RPL24: variants seen among roughly 807,000 people sequenced by gnomAD.
RPL24 encodes large ribosomal subunit protein eL24.
RPL24 carries 7 observed loss-of-function variants against 26.4 expected under a neutral mutation model. The ratio of observed to expected loss-of-function variants is 0.27; its 90% CI spans 0.15 to 0.50. The LOEUF is 0.50. Ranked by LOEUF, RPL24 falls within the 20% of genes least tolerant of loss-of-function variation. The pLI is 0.98. For missense variants in RPL24, 109 were observed against 194.9 expected (o/e 0.56, Z 2.62); for synonymous variants, 67 against 65.2 (o/e 1.03, Z -0.13).
chr3:101,684,758 A>G (rs1937309632), intron 3 of RPL24, among the ~76,000 whole-genome samples: 1 of 118,590 alleles, frequency 8.4e-6, no homozygotes, highest in African/African-American at 3.2e-5. Flanking sequence ...AGCCTGAGCA[A>G]CAGAGGACCT....
chr3:101,684,437 G>A (rs1937304443), intron 3 of RPL24, among the ~76,000 whole-genome samples: 2 of 151,988 alleles, frequency 1.3e-5, no homozygotes, highest in South Asian at 4.1e-4. Flanking sequence ...CAAAGTGCTG[G>A]GATTACAGGC....
chr3:101,686,336 T>C, intron 2 of RPL24, 146 bp downstream of exon 2: 1 of 649,874 alleles, frequency 1.5e-6, no homozygotes. Context: ...TAGAGGTTTC[T>C]GGTCCTAACG....
intron 2 of RPL24, 89 bp from the exon 3 acceptor site, chr3:101,686,017 C>A (rs1472892508): frequency 4.9e-6 from 4 of 823,122 alleles, no homozygotes; most frequent in Middle Eastern, 2.3e-4. Flanking sequence ...GATCAATATG[C>A]TAGTTCTGGC....
intron 3 of RPL24, among the ~76,000 whole-genome samples, chr3:101,684,597 C>T (rs557905410): frequency 7.3e-4 from 111 of 151,886 alleles, no homozygotes; most frequent in Non-Finnish European, 1.3e-3. Context: ...TGGGCAACAT[C>T]GCAAAGATTT....
At position 101,681,127 on chromosome 3, in the gene RPL24, C is replaced by T; in HGVS notation, c.*8G>A. 1 of 1,592,606 alleles carries T rather than the reference C, an allele frequency of 6.3e-7. No individual in the cohort carries two copies. Among genetic ancestry groups the T allele is most frequent in the East Asian group, 2.2e-5 (1 of 44,776 alleles). ...TCCAATCTTTATTTAAAAATCTAAT[C>T]TGCCAGTTTAGCGTTTTCCACCAAC... On this transcript the variant is annotated 3_prime_UTR_variant, in exon 6 of 6. Coordinates refer to ENST00000394077, the MANE Select transcript of RPL24 (RefSeq NM_000986.4).
In RPL24 at chr3:101,686,211, G is replaced by C; in HGVS notation, c.81+271C>G. On this transcript the variant is annotated intron_variant, in intron 2 of 5. Coordinates refer to ENST00000394077, the MANE Select transcript of RPL24 (RefSeq NM_000986.4). ...AGCATTCTGCTCTTGTCCGTCCCAG[G>C]ATTCCAAAGGGTACCTCCGTACCTC... 5.2e-6 allele frequency: 3 copies of C among 577,910 alleles called. No homozygotes were observed. The South Asian group carries it at 6.5e-5, about 13-fold the overall frequency. The allele number at this position is 577,910 out of a possible 1,614,324, so 35.8% of individuals were successfully genotyped here.
chr3:101,683,196 T>C (rs748174692), intron 3 of RPL24, among the ~76,000 whole-genome samples: 9 of 152,208 alleles, frequency 5.9e-5, no homozygotes, highest in Non-Finnish European at 1.3e-4. Context: ...CTGTTTATAC[T>C]TTTAATAATT....
At chr3:101,686,071 T>G in intron 2 of RPL24, 143 bp from the exon 3 acceptor site, 1 of 612,422 alleles carries the variant, frequency 1.6e-6, no homozygotes, top group South Asian at 1.9e-5. Context: ...CAAAAGGCTG[T>G]CACATAACTG....
At chr3:101,684,377 C>T (rs920360198) in intron 3 of RPL24, among the ~76,000 whole-genome samples, 2 of 151,508 alleles carry the variant, frequency 1.3e-5, no homozygotes, top group African/African-American at 4.9e-5. Flanking sequence ...ACTCTGTGGG[C>T]CAGGCTGTTC....
intron 3 of RPL24, among the ~76,000 whole-genome samples, chr3:101,684,772 T>A: frequency 1.1e-4 from 2 of 17,930 alleles, no homozygotes; most frequent in Non-Finnish European, 2.0e-4. Flanking sequence ...AGGACCTGTC[T>A]CCCCAAAAAA....
At chr3:101,685,727 C>A in intron 3 of RPL24, 91 bp downstream of exon 3, 1 of 665,552 alleles carries the variant, frequency 1.5e-6, no homozygotes, top group Non-Finnish European at 2.7e-6. Flanking sequence ...CGCATACAGT[C>A]TGATTTAATT....
At chr3:101,682,227 G>A (rs570128035) in intron 5 of RPL24, 1 of 545,684 alleles carries the variant, frequency 1.8e-6, no homozygotes, top group Non-Finnish European at 3.3e-6. Context: ...TCAGCCGGGC[G>A]TGATGGCGCG....
intron 2 of RPL24, 167 bp from the exon 3 acceptor site, chr3:101,686,095 T>C: frequency 1.7e-6 from 1 of 598,944 alleles, no homozygotes; most frequent in Non-Finnish European, 3.0e-6. Flanking sequence ...GGTAACTGTG[T>C]CACACTATGA....
Position 101,686,659 on chromosome 3 carries a change from G to C in RPL24, c.5+13C>G. On this transcript the variant is annotated intron_variant, in intron 1 of 5. Transcript: ENST00000394077. ...AGGATGTAAGCGGATTGGGAACCACGGGTCGTGCTTACTTCATGGCGACAG... is the reference window on the plus strand; with the variant it reads ...AGGATGTAAGCGGATTGGGAACCACCGGTCGTGCTTACTTCATGGCGACAG... 3.1e-6 allele frequency: 5 copies of C among 1,614,246 alleles called. No individual in the cohort carries two copies. Among genetic ancestry groups the C allele is most frequent in the African/African-American group, 1.3e-5 (1 of 75,068 alleles).
chr3:101,686,700 A>G lies in RPL24; in HGVS notation c.-24T>C, dbSNP rs199879794. On this transcript the variant is annotated 5_prime_UTR_variant, in exon 1 of 6. Transcript: ENST00000394077. ...ATGGCGACAGCTCCACGGAAAGACA[A>G]AAGATGGCGAAAAGAAAGAGAGAAT... The G allele has an allele frequency of 6.8e-6, 11 of 1,614,180 alleles. No homozygotes were observed. The East Asian group carries it at 2.2e-4, about 33-fold the overall frequency.
chr3:101,686,707 G>A lies in RPL24; in HGVS notation c.-31C>T, dbSNP rs778979094. On this transcript the variant is annotated 5_prime_UTR_variant, in exon 1 of 6. Coordinates refer to ENST00000394077, the MANE Select transcript of RPL24 (RefSeq NM_000986.4). Reference sequence around the variant, plus strand: ...CAGCTCCACGGAAAGACAAAAGATGGCGAAAAGAAAGAGAGAATCATGGGA... The same window carrying A: ...CAGCTCCACGGAAAGACAAAAGATGACGAAAAGAAAGAGAGAATCATGGGA... 6 of 1,613,958 alleles carry A rather than the reference G, an allele frequency of 3.7e-6. No homozygotes were observed. Among genetic ancestry groups the A allele is most frequent in the Non-Finnish European group, 4.2e-6 (5 of 1,179,976 alleles).
chr3:101,685,853 C>T lies in RPL24; in HGVS notation c.157G>A (p.Val53Ile). The change falls in exon 3 of 6, where the codon GTC (valine) becomes ATC (isoleucine). Residue 53 changes from valine to isoleucine, a missense_variant. Transcript: ENST00000394077. ...TTTTTGTGCTTCCTTCTGTAGAGGA[C>T]AGTCCAGTTTATCTGCCGAGGATTC... ...KRNPRQINWT[V>I]LYRRKHKKGQ... is the part of the protein sequence containing the mutation. 6.2e-7 allele frequency: 1 copy of T among 1,613,388 alleles called. No individual in the cohort carries two copies. The highest frequency in any genetic ancestry group is 8.5e-7 in the Non-Finnish European group (1 of 1,179,308).
intron 3 of RPL24, among the ~76,000 whole-genome samples, chr3:101,683,904 G>A (rs548217076): frequency 2.0e-5 from 3 of 151,912 alleles, no homozygotes; most frequent in African/African-American, 7.3e-5. Context: ...TAGAAACCGG[G>A]TTCCACCATG....
chr3:101,685,449 T>TGGTGGTTCAACC (rs1937324132), intron 3 of RPL24, among the ~76,000 whole-genome samples: 1 of 152,174 alleles, frequency 6.6e-6, no homozygotes, highest in African/African-American at 2.4e-5. Flanking sequence ...GTGAATGAAC[T>TGGTGGTTCAACC]AGTGTATGGT....
Sources: allele counts gnomAD v4.1 joint callset (sites outside exome capture counted in the v4.1 genomes callset), GRCh38; gene constraint gnomAD v4.1.1; transcripts MANE v1.5; gene names NCBI Gene and HGNC (gene_info 2026-07-23, HGNC 2026-07-21).